The following LIG1 variants were observed in gnomAD, a reference collection of about 807,000 sequenced individuals.
LIG1 encodes the protein ligase I, DNA, ATP-dependent.
A neutral mutation model predicts 115.7 loss-of-function variants in LIG1; 70 were observed. The observed-to-expected ratio is 0.60, with a 90% CI of 0.50 to 0.74. The LOEUF is 0.74. Ranked by LOEUF, LIG1 falls within the 30% of genes least tolerant of loss-of-function variation. LIG1 has a pLI of 0.00. For synonymous variants in LIG1, 487 were observed against 495.3 expected, an observed-to-expected ratio of 0.98 and a Z score of 0.22; for missense variants, 1,115 against 1,225.6, an observed-to-expected ratio of 0.91 and a Z score of 1.35.
intron 5 of LIG1, chr19:48,154,613 CCT>C (rs2035719316): frequency 6.3e-6 from 1 of 158,624 alleles, no homozygotes; most frequent in African/African-American, 2.4e-5. Context: ...CACTTGAATC[CCT>C]GTTTCAGAGC....
At chr19:48,118,290 G>A (rs156648) in intron 25 of LIG1, 61,816 of 197,810 alleles carry the variant, frequency 0.31, 10,962 homozygotes, top group East Asian at 0.55. Context: ...CCCATGTGTC[G>A]TGGAGGGACC....
chr19:48,129,021 A>G (rs1235445529), intron 19 of LIG1, among the ~76,000 whole-genome samples: 1 of 151,268 alleles, frequency 6.6e-6, no homozygotes, highest in Non-Finnish European at 1.5e-5. Flanking sequence ...TGGCCTCCCA[A>G]AGTGCTGGGA....
At position 48,122,898 on chromosome 19, in the gene LIG1, G is replaced by A. The variant is rs374191705; in HGVS notation, c.2232+36C>T. ...CTAGCTGGGACAGACCTCCAGACCC[G>A]GGGTGGAGAAGGCCCAGTTGGGGGT... On this transcript the variant is annotated intron_variant, in intron 23 of 27. Coordinates refer to ENST00000263274, the MANE Select transcript of LIG1 (RefSeq NM_000234.3). The surrounding 1 kb of genome is among the most constrained non-coding windows in gnomAD (Gnocchi z 4.3). 133 of 1,595,006 alleles carry A rather than the reference G, an allele frequency of 8.3e-5. No homozygotes were observed. The highest frequency in any genetic ancestry group is 1.0e-4 in the Non-Finnish European group (120 of 1,162,830).
chr19:48,149,207 G>C (rs1448071874), intron 9 of LIG1, among the ~76,000 whole-genome samples: 2 of 152,238 alleles, frequency 1.3e-5, no homozygotes, highest in African/African-American at 4.8e-5. Context: ...CTACCTGGGA[G>C]AATCGCTTGA....
intron 11 of LIG1, among the ~76,000 whole-genome samples, chr19:48,142,935 C>A (rs754065162): frequency 6.6e-6 from 1 of 152,290 alleles, no homozygotes; most frequent in Non-Finnish European, 1.5e-5. Flanking sequence ...AGCCACTGCA[C>A]CCAGCCTCCA....
At chr19:48,120,775 T>G in intron 24 of LIG1, 1 of 370,712 alleles carries the variant, frequency 2.7e-6, no homozygotes, top group African/African-American at 2.2e-5. Context: ...ATTGTGATGA[T>G]GAGGCCAGAG....
chr19:48,157,215 G>T, intron 4 of LIG1, 75 bp from the exon 5 acceptor site: 1 of 1,488,084 alleles, frequency 6.7e-7, no homozygotes, highest in Non-Finnish European at 9.1e-7. Flanking sequence ...GAGAGTAGAG[G>T]GGACTGAAAC....
intron 18 of LIG1, 71 bp from the exon 19 acceptor site, chr19:48,131,242 C>A (rs1434665823): frequency 1.7e-5 from 18 of 1,088,032 alleles, no homozygotes; most frequent in Non-Finnish European, 2.4e-5. Flanking sequence ...CTCTTCTGAC[C>A]CCACCTGCAC....
rs112723183 is a variant in LIG1, at chr19:48,143,289, G to A, written c.914+254C>T. ...TGTGCAATGGTGCCAGTCATCCCGA[G>A]ATGGAGCCTGTCTCCTTACCCTGCA... On this transcript the variant is annotated intron_variant, in intron 11 of 27. Transcript: ENST00000263274. Among the ~76,000 whole-genome samples the A allele has an allele frequency of 1.4e-4, 21 of 152,344 alleles. 2 individuals are homozygous for A. The highest frequency in any genetic ancestry group is 4.8e-4 in the African/African-American group (20 of 41,576).
rs757371674 is a variant in LIG1, at chr19:48,127,982, G to A, written c.1860C>T (p.Thr620=). Residue 620 remains threonine (T), a synonymous_variant, in exon 20 of 28, where the codon ACC becomes ACT. Transcript: ENST00000263274. ...LPSVTSFILD[T]EAVAWDREKK... ...TTTCCCGGTCCCAAGCCACGGCTTCGGTGTCCAGGATGAAGGATGTGACCG... is the reference window on the plus strand; with the variant it reads ...TTTCCCGGTCCCAAGCCACGGCTTCAGTGTCCAGGATGAAGGATGTGACCG... 112 of 1,613,978 alleles carry A rather than the reference G, an allele frequency of 6.9e-5. 1 individual carries two copies. Among genetic ancestry groups the A allele is most frequent in the East Asian group, 1.1e-4 (5 of 44,880 alleles).
At chr19:48,128,634 C>T (rs1568490713) in intron 19 of LIG1, among the ~76,000 whole-genome samples, 2 of 152,232 alleles carry the variant, frequency 1.3e-5, no homozygotes, top group Non-Finnish European at 2.9e-5. Flanking sequence ...CCCTCTAGAA[C>T]CCCTGCCCCT....
chr19:48,167,407 G>C (rs932630151), intron 1 of LIG1, among the ~76,000 whole-genome samples: 6 of 151,840 alleles, frequency 4.0e-5, no homozygotes, highest in African/African-American at 1.5e-4. Context: ...TCAACCCATG[G>C]GGTCCCCTTT....
chr19:48,152,820 T>C (rs978149344), intron 6 of LIG1, among the ~76,000 whole-genome samples: 5 of 152,180 alleles, frequency 3.3e-5, no homozygotes, highest in Admixed American at 6.5e-5. Flanking sequence ...GGAAATGACG[T>C]TGGCAGTTTT....
At chr19:48,135,560 C>G (rs370677948) in intron 16 of LIG1, 120 bp downstream of exon 16, 2 of 822,318 alleles carry the variant, frequency 2.4e-6, no homozygotes, top group East Asian at 2.4e-5. Flanking sequence ...ACCCCGTGAC[C>G]GGCACTCGTG....
chr19:48,140,269 C>T, intron 11 of LIG1, 126 bp from the exon 12 acceptor site: 2 of 674,146 alleles, frequency 3.0e-6, no homozygotes, highest in South Asian at 1.8e-5. Context: ...GGGCTCAGAA[C>T]AGTCCCAGGC....
intron 26 of LIG1, among the ~76,000 whole-genome samples, chr19:48,116,612 T>C (rs1288754289): frequency 1.3e-5 from 2 of 152,142 alleles, no homozygotes; most frequent in East Asian, 3.9e-4. Context: ...CAGGGGCAGT[T>C]ACTCAGGCTC....
intron 12 of LIG1, among the ~76,000 whole-genome samples, 165 bp downstream of exon 12, chr19:48,139,806 C>T (rs990181980): frequency 3.3e-5 from 5 of 151,950 alleles, no homozygotes; most frequent in African/African-American, 1.2e-4. Context: ...GTGTTCTCTC[C>T]CACACCCCTG....
At chr19:48,129,736 G>A (rs1599763627) in intron 19 of LIG1, among the ~76,000 whole-genome samples, 1 of 152,004 alleles carries the variant, frequency 6.6e-6, no homozygotes, top group Non-Finnish European at 1.5e-5. Context: ...GCTTGGCCAG[G>A]GACACAAGGA....
intron 12 of LIG1, among the ~76,000 whole-genome samples, chr19:48,138,102 T>C (rs1224936255): frequency 6.6e-6 from 1 of 152,146 alleles, no homozygotes; most frequent in African/African-American, 2.4e-5. Flanking sequence ...CCAAAGACCC[T>C]TCGGCTTGTT....
Sources: allele counts gnomAD v4.1 joint callset (sites outside exome capture counted in the v4.1 genomes callset), GRCh38; gene constraint gnomAD v4.1.1; non-coding constraint Gnocchi (gnomAD v3.1); transcripts MANE v1.5; gene names NCBI Gene and HGNC (gene_info 2026-07-23, HGNC 2026-07-21).